Variants in NRXN1 observed in about 807,000 individuals in gnomAD.
NRXN1 encodes the protein neurexin 1.
NRXN1 carries 39 observed loss-of-function variants against 150.9 expected under a neutral mutation model. The observed-to-expected ratio is 0.26, with a 90% CI of 0.20 to 0.34. NRXN1 has a LOEUF of 0.34. NRXN1 is among the 10% of genes least tolerant of loss of function. The pLI is 1.00. For synonymous variants in NRXN1, 924 were observed against 757.0 expected (o/e 1.22, Z -3.62); for missense variants, 1,815 against 1,949.9 (o/e 0.93, Z 1.30).
At chr2:49,974,334 C>G (rs542423410) in intron 21 of NRXN1, 73 of 446,706 alleles carry the variant, frequency 1.6e-4, no homozygotes, top group African/African-American at 1.3e-3. Context: ...CAAAAAGTCT[C>G]AGCAGTCGTT....
intron 18 of NRXN1, among the ~76,000 whole-genome samples, chr2:50,129,212 T>TA (rs397771868): frequency 6.6e-6 from 1 of 151,982 alleles, no homozygotes; most frequent in African/African-American, 2.4e-5. Flanking sequence ...CATTTTTTTT[T>TA]AAGTATAACT....
At chr2:50,576,710 G>T (rs954197335) in intron 8 of NRXN1, among the ~76,000 whole-genome samples, 1 of 152,050 alleles carries the variant, frequency 6.6e-6, no homozygotes, top group Non-Finnish European at 1.5e-5. Flanking sequence ...GGCTGAATTT[G>T]TTCGTATCCA....
chr2:50,489,760 A>C (rs1268413611), intron 15 of NRXN1, among the ~76,000 whole-genome samples: 2 of 152,238 alleles, frequency 1.3e-5, no homozygotes, highest in East Asian at 3.8e-4. Flanking sequence ...GGAATTTTTA[A>C]AAAATGCTTT....
rs540683247 is a variant in NRXN1, at chr2:50,350,261, A to C, written c.3365-113291T>G. On this transcript the variant is annotated intron_variant, in intron 17 of 22. Coordinates refer to ENST00000401669, the MANE Select transcript of NRXN1 (RefSeq NM_001330078.2). ...ACTCTAACTCATGCCTAAAAGAAACATATCTAATATGTATTTTCTCCATAA... is the reference window on the plus strand; with the variant it reads ...ACTCTAACTCATGCCTAAAAGAAACCTATCTAATATGTATTTTCTCCATAA... 7.9e-5 allele frequency among the ~76,000 whole-genome samples: 12 copies of C among 152,306 alleles called. No individual in the cohort carries two copies. In the East Asian group the frequency reaches 2.3e-3, roughly 29 times the overall value.
rs148046555 is a variant in NRXN1, at chr2:50,732,562, A to C, written c.833-108947T>G. Among the ~76,000 whole-genome samples, 19 of 152,274 alleles carry C rather than the reference A, an allele frequency of 1.2e-4. No homozygotes were observed. The East Asian group carries it at 3.7e-3, about 29-fold the overall frequency. ...TGTTTTCAATTACAGATAATTATGTACTTACAATATTGTTTTATATGTTTT... is the reference window on the plus strand; with the variant it reads ...TGTTTTCAATTACAGATAATTATGTCCTTACAATATTGTTTTATATGTTTT... On this transcript the variant is annotated intron_variant, in intron 5 of 22. Transcript: ENST00000401669.
At position 50,049,580 on chromosome 2, in the gene NRXN1, C is replaced by T. The variant is rs974437548; in HGVS notation, c.4128+3691G>A. 3.3e-5 allele frequency among the ~76,000 whole-genome samples: 5 copies of T among 152,004 alleles called. No homozygotes were observed. In the South Asian group the frequency reaches 8.3e-4, roughly 25 times the overall value. On this transcript the variant is annotated intron_variant, in intron 21 of 22. Transcript: ENST00000401669. ...ATGTATGTAGCTTGTAAAATATTCT[C>T]GAAGGAAAGAACAAAAAGATCGTAA...
intron 5 of NRXN1, among the ~76,000 whole-genome samples, chr2:50,658,473 A>C (rs1033948051): frequency 1.1e-4 from 15 of 140,840 alleles, no homozygotes; most frequent in African/African-American, 4.0e-4. Flanking sequence ...AATAGGAAGA[A>C]ATTATCTAAA....
At chr2:50,315,098 T>A (rs563209985) in intron 17 of NRXN1, among the ~76,000 whole-genome samples, 21 of 152,238 alleles carry the variant, frequency 1.4e-4, no homozygotes, top group African/African-American at 4.8e-4. Flanking sequence ...GTTCTTTTTT[T>A]AAAAGCCATA....
chr2:50,496,130 A>G, intron 14 of NRXN1, 35 bp from the exon 15 acceptor site: 1 of 1,526,054 alleles, frequency 6.6e-7, no homozygotes, highest in Admixed American at 2.0e-5. Flanking sequence ...AAGTGCCATC[A>G]CTTTTTAAAT....
At chr2:50,035,263 T>A (rs529607945) in intron 21 of NRXN1, among the ~76,000 whole-genome samples, 1 of 152,140 alleles carries the variant, frequency 6.6e-6, no homozygotes, top group East Asian at 1.9e-4. Context: ...GATCTAGGAG[T>A]TCCTACTACT....
chr2:50,260,385 C>T (rs1485699190), intron 17 of NRXN1, among the ~76,000 whole-genome samples: 1 of 151,782 alleles, frequency 6.6e-6, no homozygotes, highest in Non-Finnish European at 1.5e-5. Flanking sequence ...GCCACCTTAA[C>T]AAGTGTACAA....
intron 8 of NRXN1, among the ~76,000 whole-genome samples, chr2:50,563,382 T>C (rs542778175): frequency 2.6e-4 from 39 of 152,298 alleles, no homozygotes; most frequent in African/African-American, 7.0e-4. Flanking sequence ...ACTATAGAGA[T>C]AGATTAAATC....
chr2:50,862,202 CAAAAAAAA>C (rs370954338), intron 5 of NRXN1, among the ~76,000 whole-genome samples: 1 of 76,320 alleles, frequency 1.3e-5, no homozygotes, highest in South Asian at 4.1e-4. Context: ...GATTCCATCT[CAAAAAAAA>C]AAAAAAAAAA....
intron 2 of NRXN1, among the ~76,000 whole-genome samples, chr2:50,979,627 C>A (rs1575113904): frequency 6.6e-6 from 1 of 152,148 alleles, no homozygotes; most frequent in South Asian, 2.1e-4. Flanking sequence ...ACATACCAGA[C>A]CATGCAGGGC....
At chr2:49,992,590 CAAT>C (rs998500493) in intron 21 of NRXN1, among the ~76,000 whole-genome samples, 3 of 151,696 alleles carry the variant, frequency 2.0e-5, no homozygotes, top group African/African-American at 7.3e-5. Context: ...AAAACAACAA[CAAT>C]ACTTCTGTTA....
In NRXN1 at chr2:50,800,910, T is replaced by A. The variant is rs9677064; in HGVS notation, c.832+120959A>T. Among the ~76,000 whole-genome samples the A allele has an allele frequency of 1.5e-3, 224 of 152,342 alleles. 1 individual carries two copies. Among genetic ancestry groups the A allele is most frequent in the African/African-American group, 5.3e-3 (220 of 41,576 alleles). The stretch of plus-strand genomic sequence containing the variant: ...CTTCATTTTTAATGACATTTGGAAC[T>A]ATTTTTTAATTCTTAAATTGTCTAA... On this transcript the variant is annotated intron_variant, in intron 5 of 22. Coordinates refer to ENST00000401669, the MANE Select transcript of NRXN1 (RefSeq NM_001330078.2).
intron 12 of NRXN1, among the ~76,000 whole-genome samples, chr2:50,507,982 A>AAGGAGAAGAAGAAAAAAAAAG (rs2092309611): frequency 6.6e-6 from 1 of 152,052 alleles, no homozygotes; most frequent in Non-Finnish European, 1.5e-5. Flanking sequence ...GATACAGGCC[A>AAGGAGAAGAAGAAAAAAAAAG]AGGAGAAGAA....
chr2:49,981,563 A>C (rs1260026955), intron 21 of NRXN1, among the ~76,000 whole-genome samples: 1 of 152,090 alleles, frequency 6.6e-6, no homozygotes, highest in Non-Finnish European at 1.5e-5. Context: ...CCCGCTCTTG[A>C]TAATGACCCA....
intron 5 of NRXN1, among the ~76,000 whole-genome samples, chr2:50,733,142 C>T (rs1414636876): frequency 6.6e-6 from 1 of 152,086 alleles, no homozygotes; most frequent in Non-Finnish European, 1.5e-5. Context: ...ACATTTGGAG[C>T]TTTAAATGAC....
Sources: gnomAD v4.1 joint callset for allele counts (sites outside exome capture counted in the v4.1 genomes callset) on GRCh38, gnomAD v4.1.1 for gene constraint, MANE v1.5 for transcripts, NCBI Gene and HGNC (gene_info 2026-07-23, HGNC 2026-07-21) for gene names.